CYREN: variants seen among roughly 807,000 people sequenced by gnomAD.
CYREN encodes cell cycle regulator of NHEJ, also known as cell cycle regulator of non-homologous end joining.
A neutral mutation model predicts 9.7 loss-of-function variants in CYREN; 7 were observed. That is an observed-to-expected ratio of 0.72 (90% CI 0.41 to 1.36). The LOEUF is 1.36. CYREN is among the 40% of genes most tolerant of loss of function. The pLI is 0.01. For missense variants in CYREN, 215 were observed against 198.1 expected (o/e 1.09, Z -0.51); for synonymous variants, 76 against 77.9 (o/e 0.98, Z 0.13).
chr7:135,162,093 C>G (rs1373305028), downstream of CYREN, among the ~76,000 whole-genome samples: 4 of 152,246 alleles, frequency 2.6e-5, no homozygotes, highest in African/African-American at 9.6e-5. Context: ...GAGCTGCCCT[C>G]TCTCTCAGCC....
intron 1 of CYREN, chr7:135,169,539 C>T (rs531182972): frequency 6.6e-6 from 1 of 152,358 alleles, no homozygotes; most frequent in East Asian, 1.9e-4. Flanking sequence ...GCCAACACGC[C>T]GCCCTTAAGC....
chr7:135,109,140 A>G (rs1379605222), intron 2 of CYREN, among the ~76,000 whole-genome samples: 2 of 152,138 alleles, frequency 1.3e-5, no homozygotes, highest in Admixed American at 1.3e-4. Context: ...ATTCTCCTGA[A>G]TTTTGATGAT....
At chr7:135,105,806 T>C (rs1188139470) in intron 2 of CYREN, among the ~76,000 whole-genome samples, 2 of 152,224 alleles carry the variant, frequency 1.3e-5, no homozygotes, top group African/African-American at 4.8e-5. Flanking sequence ...AGGAATAGCA[T>C]TGAATCTGTA....
At chr7:135,108,736 G>A (rs1825153444) in intron 2 of CYREN, among the ~76,000 whole-genome samples, 1 of 152,138 alleles carries the variant, frequency 6.6e-6, no homozygotes, top group Admixed American at 6.5e-5. Context: ...TTTGACTGAT[G>A]GCCTCTCTAG....
At chr7:135,163,284 G>C (rs142971913), downstream of CYREN, among the ~76,000 whole-genome samples, 8 of 152,172 alleles carry the variant, frequency 5.3e-5, no homozygotes, top group Admixed American at 2.6e-4. Context: ...AATATTGGTA[G>C]AATATTAACA....
chr7:135,093,817 A>C (rs561359801), exon 3 of CYREN: 4 of 152,356 alleles, frequency 2.6e-5, no homozygotes, highest in Admixed American at 2.6e-4. Context: ...GATAAAGAAC[A>C]ATGTTTAAGG....
At chr7:135,164,821 T>C (rs781284369), downstream of CYREN, 28 of 1,613,984 alleles carry the variant, frequency 1.7e-5, no homozygotes, top group Non-Finnish European at 2.0e-5. Flanking sequence ...TCTGTGCTGC[T>C]GGCAGGCGGC....
intron 2 of CYREN, among the ~76,000 whole-genome samples, chr7:135,131,841 A>T (rs1828822890): frequency 6.6e-6 from 1 of 152,142 alleles, no homozygotes; most frequent in Non-Finnish European, 1.5e-5. Flanking sequence ...AATTACTAAC[A>T]TGAGGAATGA....
chr7:135,159,217 G>A (rs1829868164), intron 2 of CYREN, among the ~76,000 whole-genome samples: 1 of 152,162 alleles, frequency 6.6e-6, no homozygotes, highest in African/African-American at 2.4e-5. Flanking sequence ...TGTTCAAAAT[G>A]GATCCACTTA....
intron 2 of CYREN, among the ~76,000 whole-genome samples, chr7:135,106,918 G>A (rs1038157280): frequency 6.6e-6 from 1 of 152,012 alleles, no homozygotes; most frequent in African/African-American, 2.4e-5. Context: ...TCAGGGAATC[G>A]ATTTCTTCCT....
chr7:135,106,748 C>T (rs917514262), intron 2 of CYREN, among the ~76,000 whole-genome samples: 12 of 152,120 alleles, frequency 7.9e-5, no homozygotes, highest in Non-Finnish European at 1.8e-4. Context: ...GGGGAGGAGT[C>T]CCTCCTCCTC....
At chr7:135,146,405 C>G (rs1215233109) in intron 2 of CYREN, among the ~76,000 whole-genome samples, 2 of 152,024 alleles carry the variant, frequency 1.3e-5, no homozygotes, top group African/African-American at 4.8e-5. Context: ...GCAAAAGTTA[C>G]CAAAATGTGA....
At chr7:135,144,653 T>C (rs902477682) in intron 2 of CYREN, among the ~76,000 whole-genome samples, 8 of 151,820 alleles carry the variant, frequency 5.3e-5, no homozygotes, top group Non-Finnish European at 1.2e-4. Context: ...CAGTGGCTCA[T>C]GCCTGTAATC....
intron 2 of CYREN, among the ~76,000 whole-genome samples, chr7:135,158,923 G>A (rs936372932): frequency 7.2e-5 from 11 of 152,250 alleles, no homozygotes; most frequent in African/African-American, 2.7e-4. Context: ...GTGAGATTTT[G>A]TATTGGTTTC....
chr7:135,096,741 A>G (rs1445902946), intron 2 of CYREN, among the ~76,000 whole-genome samples: 1 of 120,510 alleles, frequency 8.3e-6, no homozygotes, highest in Non-Finnish European at 1.8e-5. Context: ...AAGAGAAAGA[A>G]TGAAAGAAAG....
At chr7:135,143,734 AG>A (rs1178684080) in intron 2 of CYREN, among the ~76,000 whole-genome samples, 1 of 152,190 alleles carries the variant, frequency 6.6e-6, no homozygotes, top group African/African-American at 2.4e-5. Context: ...GTGGGCAGGG[AG>A]GGGAACCTGG....
At chr7:135,140,327 A>G (rs1829429949) in intron 2 of CYREN, among the ~76,000 whole-genome samples, 2 of 151,932 alleles carry the variant, frequency 1.3e-5, no homozygotes, top group African/African-American at 4.8e-5. Context: ...TGTGGTTATT[A>G]TGAATGGGAT....
At chr7:135,119,889 A>T (rs1174216416) in intron 2 of CYREN, among the ~76,000 whole-genome samples, 1 of 152,230 alleles carries the variant, frequency 6.6e-6, no homozygotes, top group Non-Finnish European at 1.5e-5. Flanking sequence ...AAAATAAAAA[A>T]AGAAAAAGAA....
intron 2 of CYREN, among the ~76,000 whole-genome samples, chr7:135,150,581 GAA>G (rs1829644406): frequency 6.6e-6 from 1 of 152,152 alleles, no homozygotes. Context: ...TGTAATTGCG[GAA>G]GAGAGGGCTG....
Sources: gnomAD v4.1 joint callset for allele counts (sites outside exome capture counted in the v4.1 genomes callset) on GRCh38, gnomAD v4.1.1 for gene constraint, MANE v1.5 for transcripts, NCBI Gene and HGNC (gene_info 2026-07-23, HGNC 2026-07-21) for gene names.